Variants in MARCHF1 observed in about 807,000 individuals in gnomAD.
MARCHF1 encodes membrane associated ring-CH-type finger 1, also known as E3 ubiquitin-protein ligase MARCHF1.
A neutral mutation model predicts 54.2 loss-of-function variants in MARCHF1; 40 were observed. The ratio of observed to expected loss-of-function variants is 0.74; its 90% confidence interval spans 0.57 to 0.96. MARCHF1 has a LOEUF of 0.96. Ranked by LOEUF, MARCHF1 falls within the 40% of genes least tolerant of loss-of-function variation. MARCHF1 has a pLI of 0.00. For missense variants in MARCHF1, 586 were observed against 656.5 expected, an observed-to-expected ratio of 0.89 and a Z score of 1.17; for synonymous variants, 236 against 236.3, an observed-to-expected ratio of 1.00 and a Z score of 0.01.
intron 2 of MARCHF1, among the ~76,000 whole-genome samples, chr4:163,997,159 A>T (rs1016285417): frequency 3.3e-5 from 5 of 151,962 alleles, no homozygotes; most frequent in Admixed American, 3.3e-4. Context: ...GGCCAAGAGC[A>T]GAGAAAAGCA....
intron 4 of MARCHF1, among the ~76,000 whole-genome samples, chr4:163,753,020 A>G (rs1474849534): frequency 6.6e-6 from 1 of 152,172 alleles, no homozygotes; most frequent in Non-Finnish European, 1.5e-5. Context: ...GTTACCATGT[A>G]TTCTTTTGAA....
chr4:163,874,973 G>T (rs999223133), intron 3 of MARCHF1, among the ~76,000 whole-genome samples: 15 of 152,074 alleles, frequency 9.9e-5, no homozygotes, highest in African/African-American at 3.6e-4. Context: ...TCACTCTGAG[G>T]TTTGCTGTTC....
At chr4:163,576,874 G>A (rs1740057443) in intron 8 of MARCHF1, among the ~76,000 whole-genome samples, 1 of 151,426 alleles carries the variant, frequency 6.6e-6, no homozygotes, top group South Asian at 2.1e-4. Context: ...TAAAAATAGT[G>A]ACCCATCATC....
chr4:163,747,904 G>A (rs577664416), intron 4 of MARCHF1, among the ~76,000 whole-genome samples: 1 of 152,216 alleles, frequency 6.6e-6, no homozygotes, highest in East Asian at 1.9e-4. Context: ...GAGCAGCTAG[G>A]TGACTGTCTG....
At chr4:164,334,941 T>C (rs1374726663) in intron 1 of MARCHF1, among the ~76,000 whole-genome samples, 1 of 152,134 alleles carries the variant, frequency 6.6e-6, no homozygotes, top group East Asian at 1.9e-4. Flanking sequence ...GCAGAGGTGG[T>C]AGAAATAGAG....
intron 1 of MARCHF1, among the ~76,000 whole-genome samples, chr4:164,171,724 CTT>C (rs1260507472): frequency 1.3e-5 from 2 of 152,090 alleles, no homozygotes; most frequent in African/African-American, 2.4e-5. Flanking sequence ...AGTATACTGA[CTT>C]TTTCTGTCAT....
chr4:164,129,025 C>T (rs1756245671), intron 1 of MARCHF1, among the ~76,000 whole-genome samples: 1 of 152,176 alleles, frequency 6.6e-6, no homozygotes, highest in Non-Finnish European at 1.5e-5. Context: ...GTTCATCCCA[C>T]CTAATGGCTT....
chr4:164,082,896 T>C (rs1207137969), intron 2 of MARCHF1, among the ~76,000 whole-genome samples: 1 of 152,200 alleles, frequency 6.6e-6, no homozygotes. Context: ...ATATTGAAAT[T>C]TGAATCAACA....
intron 5 of MARCHF1, among the ~76,000 whole-genome samples, chr4:163,654,655 A>G (rs1168531623): frequency 6.6e-6 from 1 of 151,640 alleles, no homozygotes; most frequent in Non-Finnish European, 1.5e-5. Flanking sequence ...GTCTGATATT[A>G]GTATATCAAC....
At chr4:164,124,062 T>C (rs1276706159) in intron 1 of MARCHF1, among the ~76,000 whole-genome samples, 1 of 151,780 alleles carries the variant, frequency 6.6e-6, no homozygotes, top group East Asian at 1.9e-4. Context: ...AGGAAAAAAA[T>C]TGTAATAATC....
chr4:163,550,340 CT>C (rs1739066763), intron 8 of MARCHF1, among the ~76,000 whole-genome samples: 1 of 151,424 alleles, frequency 6.6e-6, no homozygotes, highest in Non-Finnish European at 1.5e-5. Context: ...GTAGGGACTA[CT>C]TTGCCAAATC....
At position 163,621,337 on chromosome 4, in the gene MARCHF1, G is replaced by A. The variant is rs535278603; in HGVS notation, c.163-7944C>T. The stretch of plus-strand genomic sequence containing the variant: ...AGTTTTTAAAAAATACCTTTGCCCA[G>A]GTTGATGATTCTAGAATCTGTGAGG... On this transcript the variant is annotated intron_variant, in intron 5 of 9. Coordinates refer to ENST00000514618, the MANE Select transcript of MARCHF1 (RefSeq NM_001394959.1). Among the ~76,000 whole-genome samples, 5 of 152,208 alleles carry A rather than the reference G, an allele frequency of 3.3e-5. No individual in the cohort carries two copies. In the South Asian group the frequency reaches 1.0e-3, roughly 32 times the overall value.
At chr4:163,625,492 T>C (rs930373769) in intron 5 of MARCHF1, among the ~76,000 whole-genome samples, 1 of 152,224 alleles carries the variant, frequency 6.6e-6, no homozygotes, top group Non-Finnish European at 1.5e-5. Context: ...AATAGTAGAA[T>C]TGAGTTGAAC....
At chr4:163,871,657 TATG>T (rs777686876) in intron 3 of MARCHF1, among the ~76,000 whole-genome samples, 1 of 152,222 alleles carries the variant, frequency 6.6e-6, no homozygotes, top group Non-Finnish European at 1.5e-5. Flanking sequence ...TATATGACTC[TATG>T]ATACCAGACG....
At chr4:164,171,263 T>G (rs1730518567) in intron 1 of MARCHF1, among the ~76,000 whole-genome samples, 1 of 152,094 alleles carries the variant, frequency 6.6e-6, no homozygotes, top group Non-Finnish European at 1.5e-5. Flanking sequence ...AATTCCATCA[T>G]CATAAGTGAT....
chr4:163,724,339 C>T (rs982866825), intron 4 of MARCHF1, among the ~76,000 whole-genome samples: 2 of 152,218 alleles, frequency 1.3e-5, no homozygotes, highest in Non-Finnish European at 2.9e-5. Flanking sequence ...TATTGCTGAA[C>T]AGCAAATGCT....
intron 4 of MARCHF1, among the ~76,000 whole-genome samples, chr4:163,776,169 G>T (rs1747299567): frequency 6.6e-6 from 1 of 152,032 alleles, no homozygotes; most frequent in Non-Finnish European, 1.5e-5. Context: ...CCTATAAGGT[G>T]TTATTTGACA....
At chr4:163,533,855 C>G (rs770042650) in intron 9 of MARCHF1, among the ~76,000 whole-genome samples, 1 of 151,634 alleles carries the variant, frequency 6.6e-6, no homozygotes, top group Non-Finnish European at 1.5e-5. Flanking sequence ...GAAACTATTG[C>G]ACAAAAACAC....
chr4:163,994,638 T>G (rs776678409), intron 2 of MARCHF1, among the ~76,000 whole-genome samples: 5 of 151,834 alleles, frequency 3.3e-5, no homozygotes, highest in Non-Finnish European at 7.4e-5. Context: ...TCTGACTTAA[T>G]GCATCAGAGA....
Sources: gnomAD v4.1 joint callset for allele counts (sites outside exome capture counted in the v4.1 genomes callset) on GRCh38, gnomAD v4.1.1 for gene constraint, MANE v1.5 for transcripts, NCBI Gene and HGNC (gene_info 2026-07-23, HGNC 2026-07-21) for gene names.